Variants in MCC observed in about 807,000 individuals in gnomAD.
MCC encodes the protein colorectal mutant cancer protein.
MCC carries 90 observed loss-of-function variants against 116.2 expected under a neutral mutation model. The ratio of observed to expected loss-of-function variants is 0.77; its 90% CI spans 0.65 to 0.92. The LOEUF is 0.92. Among genes scored for constraint, MCC ranks in the 40% least tolerant of loss-of-function variants. MCC has a pLI of 0.00. For missense variants in MCC, 1,516 were observed against 1,312.2 expected, an observed-to-expected ratio of 1.16 and a Z score of -2.40; for synonymous variants, 578 against 510.5, an observed-to-expected ratio of 1.13 and a Z score of -1.78.
chr5:113,255,562 C>T (rs1409145041), intron 3 of MCC, among the ~76,000 whole-genome samples: 1 of 152,190 alleles, frequency 6.6e-6, no homozygotes, highest in East Asian at 1.9e-4. Context: ...GGGTTTCTGT[C>T]ATCTGCAAGT....
At chr5:113,433,925 G>A in intron 1 of MCC, 1 of 1,614,018 alleles carries the variant, frequency 6.2e-7, no homozygotes, top group Non-Finnish European at 8.5e-7. Context: ...CAGACTTCTT[G>A]TCAGAGCCAG....
chr5:113,075,751 C>G (rs1274168382), intron 11 of MCC, among the ~76,000 whole-genome samples: 1 of 152,170 alleles, frequency 6.6e-6, no homozygotes, highest in Non-Finnish European at 1.5e-5. Context: ...CGCTCGGGTG[C>G]CCTTCCATGC....
At chr5:113,321,007 T>C (rs560283525) in intron 3 of MCC, among the ~76,000 whole-genome samples, 1 of 152,358 alleles carries the variant, frequency 6.6e-6, no homozygotes, top group East Asian at 1.9e-4. Flanking sequence ...TACATTTTTA[T>C]GTAAAAGGAA....
intron 3 of MCC, among the ~76,000 whole-genome samples, chr5:113,296,413 G>T (rs570432090): frequency 6.6e-6 from 1 of 152,314 alleles, no homozygotes; most frequent in South Asian, 2.1e-4. Flanking sequence ...AGGGAAATAC[G>T]ATTTTGGCTG....
intron 3 of MCC, among the ~76,000 whole-genome samples, chr5:113,182,745 A>G (rs1381322843): frequency 1.3e-5 from 2 of 152,192 alleles, no homozygotes; most frequent in Non-Finnish European, 2.9e-5. Context: ...GTGAACTTCT[A>G]TATTTATCTA....
At chr5:113,147,491 C>T (rs1171188113) in intron 4 of MCC, among the ~76,000 whole-genome samples, 2 of 152,162 alleles carry the variant, frequency 1.3e-5, no homozygotes, top group Non-Finnish European at 1.5e-5. Flanking sequence ...GCATTATGAA[C>T]TAGGTTCTTG....
intron 4 of MCC, among the ~76,000 whole-genome samples, chr5:113,150,101 G>GT (rs1759758482): frequency 6.6e-6 from 1 of 152,224 alleles, no homozygotes; most frequent in South Asian, 2.1e-4. Flanking sequence ...AAACTGCTGG[G>GT]AGTGGAAACA....
intron 3 of MCC, among the ~76,000 whole-genome samples, chr5:113,244,090 A>G (rs1163465209): frequency 6.6e-6 from 1 of 152,246 alleles, no homozygotes; most frequent in Admixed American, 6.5e-5. Flanking sequence ...TTTGGATAGC[A>G]TACATGGAAA....
At position 113,384,845 on chromosome 5, in the gene MCC, A is replaced by C. The variant is rs116672414; in HGVS notation, c.415+123T>G. Reference sequence around the variant, plus strand: ...GCACTCCCCCAGGGAAAGTGTGGCCAGGAGGGCAGCCTCAGTATGAGCTGA... The same window carrying C: ...GCACTCCCCCAGGGAAAGTGTGGCCCGGAGGGCAGCCTCAGTATGAGCTGA... On this transcript the variant is annotated intron_variant, in intron 2 of 18. Transcript: ENST00000408903. 2.0e-3 allele frequency: 2,221 copies of C among 1,127,344 alleles called. 40 individuals are homozygous for C. In the African/African-American group the frequency reaches 0.031, roughly 16 times the overall value. 69.8% of individuals were successfully genotyped at this position (1,127,344 alleles called of 1,614,324 possible). A position where few individuals can be genotyped will look rare whatever the true frequency, so the allele number is the denominator to read the frequency against.
rs200787776 is a variant in MCC, at chr5:113,184,472, G to GTTTTT, written c.628-33055_628-33051dup. Among the ~76,000 whole-genome samples the GTTTTT allele has an allele frequency of 8.2e-4, 102 of 123,786 alleles. 1 individual carries two copies. Among genetic ancestry groups the GTTTTT allele is most frequent in the Admixed American group, 1.2e-3 (13 of 10,558 alleles). 81.2% of individuals were successfully genotyped at this position (123,786 alleles called of 152,430 possible). On this transcript the variant is annotated intron_variant, in intron 3 of 18. Transcript: ENST00000408903. ...ACATAGCAATTTAGTTTCTTTCTTC[G>GTTTTT]TTTTTTGTTTTTTTTTTTTTTTTTT...
At position 113,383,652 on chromosome 5, in the gene MCC, G is replaced by GT. The variant is rs1194092282; in HGVS notation, c.415+1315dup. ...CTTCTGCTTGCCTTTTTTTCCCCGTGTTTTTTTATAATGAACATATATTAC... is the reference window on the plus strand; with the variant it reads ...CTTCTGCTTGCCTTTTTTTCCCCGTGTTTTTTTTATAATGAACATATATTAC... On this transcript the variant is annotated intron_variant, in intron 2 of 18. Transcript: ENST00000408903. Among the ~76,000 whole-genome samples, 13 of 151,580 alleles carry GT rather than the reference G, an allele frequency of 8.6e-5. No individual in the cohort carries two copies. The South Asian group carries it at 1.5e-3, about 17-fold the overall frequency.
intron 3 of MCC, among the ~76,000 whole-genome samples, chr5:113,163,505 T>TTC (rs1554060834): frequency 2.0e-5 from 3 of 151,270 alleles, no homozygotes; most frequent in Non-Finnish European, 2.9e-5. Context: ...CCTCCTTTTT[T>TTC]CCTGTAACCC....
chr5:113,127,040 G>C (rs1310577359), intron 5 of MCC, among the ~76,000 whole-genome samples: 1 of 152,068 alleles, frequency 6.6e-6, no homozygotes. Context: ...CCCGCAAGTA[G>C]GCCCCAATGT....
intron 17 of MCC, among the ~76,000 whole-genome samples, chr5:113,042,275 C>G (rs1238460922): frequency 1.4e-5 from 2 of 144,764 alleles, no homozygotes; most frequent in Admixed American, 6.9e-5. Context: ...AGTTTGAGAC[C>G]AGCCTGGGCA....
intron 3 of MCC, among the ~76,000 whole-genome samples, chr5:113,283,774 ATTC>A (rs951983964): frequency 6.6e-6 from 1 of 152,194 alleles, no homozygotes; most frequent in African/African-American, 2.4e-5. Context: ...CTAAAAATAA[ATTC>A]TTATTACTAA....
At chr5:113,137,418 T>C (rs546265533) in intron 5 of MCC, among the ~76,000 whole-genome samples, 1 of 152,312 alleles carries the variant, frequency 6.6e-6, no homozygotes, top group Admixed American at 6.5e-5. Flanking sequence ...AAAGGGATGG[T>C]TATCAAATGC....
chr5:113,462,851 T>G (rs465898), intron 1 of MCC, among the ~76,000 whole-genome samples: 55,990 of 152,050 alleles, frequency 0.37, 12,941 homozygotes, highest in East Asian at 0.71. Flanking sequence ...CAATGGTGAA[T>G]AAAGAGGGAC....
At chr5:113,170,305 C>T (rs541997588) in intron 3 of MCC, among the ~76,000 whole-genome samples, 1 of 152,306 alleles carries the variant, frequency 6.6e-6, no homozygotes, top group Admixed American at 6.5e-5. Flanking sequence ...CTTCAATGGA[C>T]TTTACTTCTA....
intron 14 of MCC, among the ~76,000 whole-genome samples, chr5:113,058,562 G>A (rs899220193): frequency 3.3e-5 from 5 of 152,174 alleles, no homozygotes; most frequent in African/African-American, 9.7e-5. Context: ...TGAGGTGACT[G>A]GATGCTCCTA....
Sources: gnomAD v4.1 joint callset for allele counts (sites outside exome capture counted in the v4.1 genomes callset) on GRCh38, gnomAD v4.1.1 for gene constraint, MANE v1.5 for transcripts, NCBI Gene and HGNC (gene_info 2026-07-23, HGNC 2026-07-21) for gene names.